The following ENPP3 variants were observed in gnomAD, a reference collection of about 807,000 sequenced individuals.
ENPP3 encodes ectonucleotide pyrophosphatase/phosphodiesterase family member 3.
ENPP3 carries 104 observed loss-of-function variants against 117.8 expected under a neutral mutation model. That is an observed-to-expected ratio of 0.88 (90% CI 0.75 to 1.04). ENPP3 has a LOEUF of 1.04. ENPP3 is among the 50% of genes least tolerant of loss of function. ENPP3 has a pLI of 0.00. For synonymous variants in ENPP3, 380 were observed against 349.9 expected, an observed-to-expected ratio of 1.09 and a Z score of -0.96; for missense variants, 1,026 against 1,051.9, an observed-to-expected ratio of 0.98 and a Z score of 0.34.
intron 15 of ENPP3, among the ~76,000 whole-genome samples, chr6:131,698,112 T>C (rs1334606602): frequency 2.0e-5 from 3 of 152,274 alleles, no homozygotes; most frequent in East Asian, 3.9e-4. Context: ...GGTGTGTGTG[T>C]GTGCGTGTGT....
At chr6:131,662,667 G>C (rs1239326570) in intron 6 of ENPP3, among the ~76,000 whole-genome samples, 2 of 152,108 alleles carry the variant, frequency 1.3e-5, no homozygotes, top group African/African-American at 4.8e-5. Flanking sequence ...TCTTTTTCAA[G>C]ATTGTCGTGG....
chr6:131,703,088 A>G (rs1329925443), intron 15 of ENPP3, among the ~76,000 whole-genome samples: 10 of 145,274 alleles, frequency 6.9e-5, no homozygotes, highest in African/African-American at 2.3e-4. Context: ...GAGCTTCTGT[A>G]TGTGACACTT....
At chr6:131,663,440 A>G (rs1320903916) in intron 6 of ENPP3, among the ~76,000 whole-genome samples, 1 of 150,794 alleles carries the variant, frequency 6.6e-6, no homozygotes, top group Non-Finnish European at 1.5e-5. Flanking sequence ...CAATCCTAGC[A>G]CTTCAGAAGG....
Position 131,746,921 on chromosome 6 carries a change from A to C in ENPP3, c.2593A>C (p.Lys865Gln). 2 of 1,609,080 alleles carry C rather than the reference A, an allele frequency of 1.2e-6. No individual in the cohort carries two copies. Among genetic ancestry groups the C allele is most frequent in the Middle Eastern group, 3.3e-4 (2 of 6,046 alleles). ...GCCTGTCTCTGAAATTTTGCAACTAAAGACATATTTACCAACATTTGAAAC... is the reference window on the plus strand; with the variant it reads ...GCCTGTCTCTGAAATTTTGCAACTACAGACATATTTACCAACATTTGAAAC... ...VQPVSEILQL[K>Q]TYLPTFETTI The change falls in exon 25 of 25, where the codon AAG becomes CAG. Residue 865 changes from lysine to glutamine, a missense_variant. By Grantham distance (53) the Lys-to-Gln change is moderately conservative (BLOSUM62 1). Transcript: ENST00000357639.
At chr6:131,680,039 T>A (rs1214252063) in intron 11 of ENPP3, among the ~76,000 whole-genome samples, 1 of 152,098 alleles carries the variant, frequency 6.6e-6, no homozygotes, top group African/African-American at 2.4e-5. Context: ...CATTGAAGCA[T>A]TGTAATAAAG....
intron 1 of ENPP3, among the ~76,000 whole-genome samples, chr6:131,639,871 A>T (rs1408638843): frequency 6.6e-6 from 1 of 152,130 alleles, no homozygotes; most frequent in Non-Finnish European, 1.5e-5. Flanking sequence ...TAGTGCCTAT[A>T]ATCCCAGCAC....
intron 6 of ENPP3, among the ~76,000 whole-genome samples, chr6:131,668,042 C>T (rs1003927354): frequency 8.6e-5 from 13 of 151,988 alleles, no homozygotes; most frequent in African/African-American, 3.1e-4. Flanking sequence ...TACTAAGTTA[C>T]ATATAAAATG....
intron 15 of ENPP3, among the ~76,000 whole-genome samples, chr6:131,715,209 G>A (rs1481395672): frequency 2.0e-5 from 3 of 151,750 alleles, no homozygotes; most frequent in African/African-American, 7.3e-5. Context: ...TTTAGCCAGC[G>A]CCAGCTTGAT....
chr6:131,720,232 T>G, intron 16 of ENPP3, 60 bp from the exon 17 acceptor site: 2 of 1,073,170 alleles, frequency 1.9e-6, no homozygotes, highest in Non-Finnish European at 1.4e-6. Context: ...TGTCTCTTCC[T>G]ATATTTGTTT....
intron 6 of ENPP3, among the ~76,000 whole-genome samples, chr6:131,661,367 A>G (rs952733057): frequency 2.6e-5 from 4 of 152,048 alleles, no homozygotes; most frequent in African/African-American, 7.2e-5. Flanking sequence ...ATTTCTGCAT[A>G]TCTTCATCAA....
chr6:131,674,055 A>C, intron 7 of ENPP3, 107 bp from the exon 8 acceptor site: 2 of 673,420 alleles, frequency 3.0e-6, no homozygotes, highest in Non-Finnish European at 5.1e-6. Context: ...ATTGAAAGGT[A>C]TATAGTACCT....
chr6:131,729,677 C>G (rs1208834182), intron 20 of ENPP3, among the ~76,000 whole-genome samples: 1 of 152,010 alleles, frequency 6.6e-6, no homozygotes, highest in Non-Finnish European at 1.5e-5. Flanking sequence ...TTCACTAAAG[C>G]CTTTTTTATT....
chr6:131,642,649 G>A (rs1264245062), intron 2 of ENPP3, among the ~76,000 whole-genome samples: 3 of 151,898 alleles, frequency 2.0e-5, no homozygotes, highest in Non-Finnish European at 4.4e-5. Flanking sequence ...ACAGCTTACC[G>A]CAGCCTCGAT....
chr6:131,637,361 C>G lies in ENPP3; in HGVS notation c.-24C>G. 1 of 1,495,246 alleles carries G rather than the reference C, an allele frequency of 6.7e-7. No individual in the cohort carries two copies. The highest frequency in any genetic ancestry group is 9.1e-7 in the Non-Finnish European group (1 of 1,103,070). The allele number at this position is 1,495,246 out of a possible 1,614,324, so 92.6% of individuals were successfully genotyped here. ...GGAGCACTAATTTATTCTGATAAAACAGGTCTATGCAGCTACCAGGACAAT... is the reference window on the plus strand; with the variant it reads ...GGAGCACTAATTTATTCTGATAAAAGAGGTCTATGCAGCTACCAGGACAAT... On this transcript the variant is annotated 5_prime_UTR_variant, in exon 1 of 25. Coordinates refer to ENST00000357639, the MANE Select transcript of ENPP3 (RefSeq NM_005021.5).
intron 11 of ENPP3, among the ~76,000 whole-genome samples, chr6:131,678,907 C>CTCTTTCTCTCTT (rs1778932219): frequency 2.8e-5 from 2 of 71,762 alleles, no homozygotes; most frequent in African/African-American, 5.1e-5. Context: ...CTTTCTTTCT[C>CTCTTTCTCTCTT]TCTTTCTTTC....
chr6:131,665,521 G>A (rs1045960774), intron 6 of ENPP3, among the ~76,000 whole-genome samples: 1 of 151,994 alleles, frequency 6.6e-6, no homozygotes, highest in African/African-American at 2.4e-5. Context: ...TATTCAGTTT[G>A]TTGGCATATA....
chr6:131,660,416 A>G (rs996825542), intron 6 of ENPP3, among the ~76,000 whole-genome samples: 1 of 152,234 alleles, frequency 6.6e-6, no homozygotes, highest in Non-Finnish European at 1.5e-5. Flanking sequence ...TCTCTGAATC[A>G]CACTCTAATG....
intron 21 of ENPP3, among the ~76,000 whole-genome samples, chr6:131,733,985 A>G (rs1780343016): frequency 6.6e-6 from 1 of 152,118 alleles, no homozygotes; most frequent in African/African-American, 2.4e-5. Context: ...TAATTTTAAA[A>G]CTGGAGATTC....
Position 131,733,742 on chromosome 6 carries a change from T to C in ENPP3, c.2089+19T>C. 6.2e-7 allele frequency: 1 copy of C among 1,611,970 alleles called. No individual in the cohort carries two copies. The highest frequency in any genetic ancestry group is 1.1e-5 in the South Asian group (1 of 90,976). On this transcript the variant is annotated intron_variant, in intron 21 of 24. Coordinates refer to ENST00000357639, the MANE Select transcript of ENPP3 (RefSeq NM_005021.5). ...CCTCCTGGTTAGTAGAACTCTTTTTTAGAGCAGTAGCTTAGAAAGCTCTCA... is the reference window on the plus strand; with the variant it reads ...CCTCCTGGTTAGTAGAACTCTTTTTCAGAGCAGTAGCTTAGAAAGCTCTCA...
Sources: allele counts gnomAD v4.1 joint callset (sites outside exome capture counted in the v4.1 genomes callset), GRCh38; gene constraint gnomAD v4.1.1; transcripts MANE v1.5; gene names NCBI Gene and HGNC (gene_info 2026-07-23, HGNC 2026-07-21).